CSMD1: variants seen among roughly 807,000 people sequenced by gnomAD.
CSMD1 encodes CUB and Sushi multiple domains 1.
CSMD1 carries 213 observed loss-of-function variants against 417.5 expected under a neutral mutation model. The observed-to-expected ratio is 0.51, with a 90% CI of 0.46 to 0.57. The LOEUF is 0.57. Ranked by LOEUF, CSMD1 falls within the 20% of genes least tolerant of loss-of-function variation. The probability of loss-of-function intolerance (pLI) is 0.00; values close to 1 mark genes in which losing one functional copy is unlikely to be tolerated. For synonymous variants in CSMD1, 2,862 were observed against 1,736.8 expected, an observed-to-expected ratio of 1.65 and a Z score of -16.11; for missense variants, 6,923 against 4,529.7, an observed-to-expected ratio of 1.53 and a Z score of -15.17.
At chr8:3,272,522 A>G (rs372423446) in intron 26 of CSMD1, among the ~76,000 whole-genome samples, 1 of 141,140 alleles carries the variant, frequency 7.1e-6, no homozygotes, top group Non-Finnish European at 1.5e-5. Flanking sequence ...TACTTTGGGC[A>G]GTATGGCCAT....
chr8:3,351,465 G>T (rs1473069825), intron 21 of CSMD1, among the ~76,000 whole-genome samples: 1 of 151,738 alleles, frequency 6.6e-6, no homozygotes. Flanking sequence ...ACAAAAATTA[G>T]CTAGGCGTGG....
chr8:3,886,528 G>T (rs1806575018), intron 5 of CSMD1, among the ~76,000 whole-genome samples: 1 of 152,206 alleles, frequency 6.6e-6, no homozygotes, highest in Admixed American at 6.5e-5. Context: ...AAGTTTGAAA[G>T]CAGGCCATGG....
chr8:4,367,950 G>A (rs766618574), intron 3 of CSMD1, among the ~76,000 whole-genome samples: 9 of 152,100 alleles, frequency 5.9e-5, no homozygotes, highest in Non-Finnish European at 1.3e-4. Context: ...GAAGCCTTCT[G>A]GCAGGCTTTA....
chr8:4,635,824 G>C (rs1218247677), intron 2 of CSMD1, among the ~76,000 whole-genome samples: 1 of 151,888 alleles, frequency 6.6e-6, no homozygotes, highest in Non-Finnish European at 1.5e-5. Flanking sequence ...TAACACATAA[G>C]ACCATAAATG....
Position 3,721,285 on chromosome 8 carries a change from G to C in CSMD1, c.932-12794C>G, listed in dbSNP as rs1270474068. On this transcript the variant is annotated intron_variant, in intron 6 of 69. Coordinates refer to ENST00000635120, the MANE Select transcript of CSMD1 (RefSeq NM_033225.6). ...AAGCAGCAATGCCCCTCAAGGATCT[G>C]AGATGAGTGGCCACATATTCGGGTG... Among the ~76,000 whole-genome samples, 3 of 152,110 alleles carry C rather than the reference G, an allele frequency of 2.0e-5. No homozygotes were observed. In the East Asian group the frequency reaches 5.8e-4, roughly 29 times the overall value.
chr8:3,516,255 G>C (rs139575217), intron 10 of CSMD1, among the ~76,000 whole-genome samples: 1 of 152,226 alleles, frequency 6.6e-6, no homozygotes, highest in African/African-American at 2.4e-5. Context: ...AGACTCACCA[G>C]CTGTGCATAG....
At chr8:4,397,689 A>G (rs1339941858) in intron 3 of CSMD1, among the ~76,000 whole-genome samples, 2 of 152,070 alleles carry the variant, frequency 1.3e-5, no homozygotes, top group East Asian at 1.9e-4. Context: ...GAAGAAATAG[A>G]TATTAATAAG....
intron 5 of CSMD1, among the ~76,000 whole-genome samples, chr8:3,947,185 G>A (rs1367921828): frequency 6.6e-6 from 1 of 152,160 alleles, no homozygotes; most frequent in East Asian, 1.9e-4. Flanking sequence ...CCTTTACTGG[G>A]TTCAGGAGGT....
intron 11 of CSMD1, 24 bp downstream of exon 11, chr8:3,493,599 G>C (rs780621369): frequency 3.2e-6 from 5 of 1,579,870 alleles, no homozygotes; most frequent in African/African-American, 1.3e-5. Context: ...CATAAGAGAA[G>C]AAGAAGCTCA....
chr8:3,524,596 C>G (rs1284092000), intron 10 of CSMD1, among the ~76,000 whole-genome samples: 3 of 151,536 alleles, frequency 2.0e-5, no homozygotes, highest in Non-Finnish European at 2.9e-5. Flanking sequence ...CACAAGGACA[C>G]ACATCCACAC....
In CSMD1 at chr8:4,162,107, T is replaced by C. The variant is rs558336909; in HGVS notation, c.416-130008A>G. ...AGGCAACATTTAAACACTGAAGCAA[T>C]ATATGGTTACATGATTCTAAATAAA... On this transcript the variant is annotated intron_variant, in intron 3 of 69. Transcript: ENST00000635120. 6.6e-5 allele frequency among the ~76,000 whole-genome samples: 10 copies of C among 152,312 alleles called. No homozygotes were observed. In the South Asian group the frequency reaches 1.9e-3, roughly 28 times the overall value.
chr8:4,247,579 C>T (rs1309150799), intron 3 of CSMD1, among the ~76,000 whole-genome samples: 1 of 152,134 alleles, frequency 6.6e-6, no homozygotes, highest in African/African-American at 2.4e-5. Context: ...TACCACCATT[C>T]TTGTTAAATG....
intron 3 of CSMD1, among the ~76,000 whole-genome samples, chr8:4,052,536 C>G (rs1404569887): frequency 6.6e-6 from 1 of 152,072 alleles, no homozygotes; most frequent in East Asian, 1.9e-4. Context: ...GCTAGAACGT[C>G]AATGCACCAA....
chr8:4,507,428 T>C (rs1004462163), intron 2 of CSMD1, among the ~76,000 whole-genome samples: 11 of 152,174 alleles, frequency 7.2e-5, no homozygotes, highest in Admixed American at 7.2e-4. Context: ...CATTATCCAG[T>C]GTTTTATGGG....
At chr8:4,586,569 A>C (rs1554518726) in intron 2 of CSMD1, among the ~76,000 whole-genome samples, 1 of 151,930 alleles carries the variant, frequency 6.6e-6, no homozygotes, top group East Asian at 1.9e-4. Context: ...CCTTTTTAGC[A>C]TTTTTTTTGA....
At chr8:3,491,655 T>A (rs1344421749) in intron 11 of CSMD1, among the ~76,000 whole-genome samples, 1 of 152,178 alleles carries the variant, frequency 6.6e-6, no homozygotes, top group East Asian at 1.9e-4. Flanking sequence ...CCATCGATTT[T>A]TAAGGGAATA....
At chr8:3,910,878 G>C (rs1257700113) in intron 5 of CSMD1, among the ~76,000 whole-genome samples, 1 of 152,116 alleles carries the variant, frequency 6.6e-6, no homozygotes, top group African/African-American at 2.4e-5. Flanking sequence ...AATTTCAAGA[G>C]AACTGGAAAA....
At chr8:4,099,834 C>T (rs1214612144) in intron 3 of CSMD1, among the ~76,000 whole-genome samples, 2 of 152,126 alleles carry the variant, frequency 1.3e-5, no homozygotes, top group Non-Finnish European at 2.9e-5. Context: ...CCACATCTTG[C>T]TCCCTTAGAA....
intron 26 of CSMD1, among the ~76,000 whole-genome samples, chr8:3,249,195 G>A (rs1029052437): frequency 1.3e-5 from 2 of 152,110 alleles, no homozygotes; most frequent in African/African-American, 4.8e-5. Flanking sequence ...GAAGAATCAA[G>A]ATGCACTGTG....
Sources: gnomAD v4.1 joint callset for allele counts (sites outside exome capture counted in the v4.1 genomes callset) on GRCh38, gnomAD v4.1.1 for gene constraint, MANE v1.5 for transcripts, NCBI Gene and HGNC (gene_info 2026-07-23, HGNC 2026-07-21) for gene names.